Variants in SOCS2 observed in about 807,000 individuals in gnomAD.
The protein encoded by SOCS2 is CIS-2.
In SOCS2, 10 loss-of-function variants were observed where a neutral mutation model predicts 18.6. The ratio of observed to expected loss-of-function variants is 0.54; its 90% confidence interval spans 0.33 to 0.91. SOCS2 has a LOEUF of 0.91. SOCS2 is among the 40% of genes least tolerant of loss of function. SOCS2 has a pLI of 0.02. For synonymous variants in SOCS2, 104 were observed against 104.0 expected (o/e 1.00, Z 0.00); for missense variants, 231 against 247.2 (o/e 0.93, Z 0.44).
At chr12:93,613,404 C>T in the SOCS2 span, among the ~76,000 whole-genome samples, 1 of 151,492 alleles carries the variant, frequency 6.6e-6, no homozygotes, top group Non-Finnish European at 1.5e-5. Flanking sequence ...TTCCGCCCCT[C>T]CCAGAAAAAA....
At chr12:93,578,145 G>A (rs1269958326), downstream of SOCS2, among the ~76,000 whole-genome samples, 1 of 152,190 alleles carries the variant, frequency 6.6e-6, no homozygotes, top group Non-Finnish European at 1.5e-5. Flanking sequence ...ACTTTGGATA[G>A]TGGAGAAAAA....
the SOCS2 span, among the ~76,000 whole-genome samples, chr12:93,614,480 T>TTCCTTCCTTCC: frequency 7.7e-5 from 2 of 26,134 alleles, no homozygotes; most frequent in Non-Finnish European, 1.3e-4. Flanking sequence ...CCTTCCTTCC[T>TTCCTTCCTTCC]TTCCTTCCTT....
downstream of SOCS2, among the ~76,000 whole-genome samples, chr12:93,585,453 T>C (rs544290512): frequency 2.0e-5 from 3 of 152,194 alleles, no homozygotes; most frequent in South Asian, 6.2e-4. Flanking sequence ...CTCTGTAAAA[T>C]AGTGCCACCC....
the SOCS2 span, among the ~76,000 whole-genome samples, chr12:93,623,219 T>G: frequency 6.6e-6 from 1 of 152,082 alleles, no homozygotes; most frequent in Non-Finnish European, 1.5e-5. Context: ...ATGGTTTAAG[T>G]GCCAAGAAGT....
chr12:93,571,872 G>T (rs953495165), upstream of SOCS2: 2 of 430,072 alleles, frequency 4.7e-6, no homozygotes, highest in Non-Finnish European at 9.2e-6. Flanking sequence ...TGAGGAGGCT[G>T]CCTGGTGCGG....
At chr12:93,592,456 G>A in the SOCS2 span, among the ~76,000 whole-genome samples, 1 of 152,198 alleles carries the variant, frequency 6.6e-6, no homozygotes, top group Admixed American at 6.5e-5. Flanking sequence ...AAATCTGTGT[G>A]CTAATTGTTG....
chr12:93,614,468 TTCCTTCCTTCCTTTCCTTCCTTCCTTCC>T, the SOCS2 span, among the ~76,000 whole-genome samples: 1 of 91,172 alleles, frequency 1.1e-5, no homozygotes, highest in African/African-American at 5.9e-5. Context: ...CCTTCCTTCC[TTCCTTCCTTCCTTTCCTTCCTTCCTTCC>T]TTCCTTCCTT....
the SOCS2 span, among the ~76,000 whole-genome samples, chr12:93,601,454 G>C: frequency 1.3e-5 from 2 of 151,654 alleles, no homozygotes; most frequent in African/African-American, 4.8e-5. Context: ...AGTAGAGACT[G>C]GGTTTCATCA....
the SOCS2 span, among the ~76,000 whole-genome samples, chr12:93,599,321 TTTTTAA>T: frequency 2.0e-5 from 3 of 152,022 alleles, no homozygotes; most frequent in South Asian, 6.2e-4. Context: ...TCCTGGCTAG[TTTTTAA>T]TTTTAATTTT....
chr12:93,571,093 C>T (rs1463684750), upstream of SOCS2: 1 of 154,264 alleles, frequency 6.5e-6, no homozygotes, highest in African/African-American at 2.4e-5. Flanking sequence ...TTGGGCTTCC[C>T]CTGAAGCATG....
the SOCS2 span, among the ~76,000 whole-genome samples, chr12:93,614,535 CCT>C: frequency 1.2e-4 from 11 of 88,392 alleles, 4 homozygotes; most frequent in African/African-American, 6.6e-4. Context: ...TTCCTTCCTT[CCT>C]TCCTTCTTTC....
At chr12:93,607,492 A>G in the SOCS2 span, among the ~76,000 whole-genome samples, 2 of 150,072 alleles carry the variant, frequency 1.3e-5, no homozygotes, top group South Asian at 4.2e-4. Context: ...CCCCAGGAAG[A>G]AGAACACAAG....
At chr12:93,605,053 A>G in the SOCS2 span, among the ~76,000 whole-genome samples, 1 of 151,712 alleles carries the variant, frequency 6.6e-6, no homozygotes, top group Non-Finnish European at 1.5e-5. Context: ...CTCCTGCCCC[A>G]GTAGTCTTGT....
At chr12:93,606,073 G>A in the SOCS2 span, among the ~76,000 whole-genome samples, 1 of 152,192 alleles carries the variant, frequency 6.6e-6, no homozygotes, top group Non-Finnish European at 1.5e-5. Flanking sequence ...CTATCTTGTT[G>A]CTCTGCTCTT....
downstream of SOCS2, among the ~76,000 whole-genome samples, chr12:93,580,618 CAAAAA>C (rs35305411): frequency 4.1e-5 from 3 of 73,134 alleles, no homozygotes; most frequent in South Asian, 5.5e-4. Context: ...GAGACTGTCT[CAAAAA>C]AAAAAAAAAA....
chr12:93,571,360 C>G (rs41350750), upstream of SOCS2: 2,451 of 152,394 alleles, frequency 0.016, 60 homozygotes, highest in African/African-American at 0.056. Flanking sequence ...GAGTCCGAAC[C>G]GCGGCTCTGC....
the SOCS2 span, among the ~76,000 whole-genome samples, chr12:93,623,738 G>A: frequency 2.0e-5 from 3 of 151,476 alleles, no homozygotes; most frequent in African/African-American, 4.9e-5. Flanking sequence ...ACAGGGTCTC[G>A]CTCTGCTGCC....
chr12:93,606,897 C>T, the SOCS2 span, among the ~76,000 whole-genome samples: 1 of 152,216 alleles, frequency 6.6e-6, no homozygotes, highest in Non-Finnish European at 1.5e-5. Context: ...AAGTGATCCA[C>T]ATGCCTTGGC....
the SOCS2 span, among the ~76,000 whole-genome samples, chr12:93,614,474 CCTTCCTTT>C: frequency 6.5e-4 from 53 of 81,230 alleles, 1 homozygote; most frequent in Middle Eastern, 6.0e-3. Flanking sequence ...TTCCTTCCTT[CCTTCCTTT>C]CCTTCCTTCC....
Sources: allele counts gnomAD v4.1 joint callset (sites outside exome capture counted in the v4.1 genomes callset), GRCh38; gene constraint gnomAD v4.1.1; transcripts MANE v1.5; gene names NCBI Gene and HGNC (gene_info 2026-07-23, HGNC 2026-07-21).